RNF130: variants seen among roughly 807,000 people sequenced by gnomAD.
RNF130 encodes the protein ring finger protein 130.
RNF130 carries 21 observed loss-of-function variants against 44.6 expected under a neutral mutation model. That is an observed-to-expected ratio of 0.47 (90% CI 0.33 to 0.68). The LOEUF (loss-of-function observed/expected upper bound fraction) is 0.68. RNF130 is among the 30% of genes least tolerant of loss of function. The pLI is 0.02. For missense variants in RNF130, 479 were observed against 560.6 expected, an observed-to-expected ratio of 0.85 and a Z score of 1.47; for synonymous variants, 214 against 210.4, an observed-to-expected ratio of 1.02 and a Z score of -0.15.
rs61232613 is a variant in RNF130, at chr5:179,998,859, T to TTATATA, written c.693+14196_693+14201dup. The stretch of plus-strand genomic sequence containing the variant: ...TCTCTCTCTTTAGATCTAGTATTTT[T>TTATATA]TATATATATATATATATATATATAT... On this transcript the variant is annotated intron_variant, in intron 3 of 8. Coordinates refer to ENST00000521389, the MANE Select transcript of RNF130 (RefSeq NM_018434.6). Among the ~76,000 whole-genome samples, 786 of 88,716 alleles carry TTATATA rather than the reference T, an allele frequency of 8.9e-3. 15 individuals carry two copies. The highest frequency in any genetic ancestry group is 0.025 in the African/African-American group (593 of 23,646). The allele number at this position is 88,716 out of a possible 152,430, so 58.2% of individuals were successfully genotyped here. A position where few individuals can be genotyped will look rare whatever the true frequency, so the allele number is the denominator to read the frequency against.
chr5:180,041,889 C>T (rs536853920), intron 1 of RNF130, among the ~76,000 whole-genome samples: 3 of 151,988 alleles, frequency 2.0e-5, no homozygotes, highest in Non-Finnish European at 4.4e-5. Flanking sequence ...CCACCCTGGG[C>T]GACAAAGTGA....
At chr5:180,060,917 A>T (rs559823575) in intron 1 of RNF130, among the ~76,000 whole-genome samples, 1 of 151,978 alleles carries the variant, frequency 6.6e-6, no homozygotes, top group African/African-American at 2.4e-5. Flanking sequence ...AAAATACAAA[A>T]AATTAGCTGG....
At chr5:179,973,172 T>A (rs1762624742) in intron 5 of RNF130, among the ~76,000 whole-genome samples, 1 of 152,180 alleles carries the variant, frequency 6.6e-6, no homozygotes, top group African/African-American at 2.4e-5. Context: ...TCCCCGCTAG[T>A]CCAGCTTCTG....
chr5:179,940,432 G>T (rs1761955576), intron 7 of RNF130, among the ~76,000 whole-genome samples: 1 of 151,796 alleles, frequency 6.6e-6, no homozygotes, highest in African/African-American at 2.4e-5. Context: ...TGTTGGCCAG[G>T]CTGGTCTCTT....
chr5:180,037,434 G>T (rs532588992), intron 2 of RNF130, among the ~76,000 whole-genome samples: 2 of 152,270 alleles, frequency 1.3e-5, no homozygotes, highest in East Asian at 1.9e-4. Context: ...CTTACAGAAG[G>T]CCTCTATCCT....
intron 8 of RNF130, among the ~76,000 whole-genome samples, chr5:179,960,180 A>G (rs1428257214): frequency 6.6e-6 from 1 of 152,226 alleles, no homozygotes; most frequent in Admixed American, 6.5e-5. Context: ...CTCTTTTGGG[A>G]ATTGAAATTC....
In RNF130 at chr5:179,987,277, C is replaced by T. The variant is rs181564029; in HGVS notation, c.694-7077G>A. 2.7e-3 allele frequency among the ~76,000 whole-genome samples: 417 copies of T among 152,272 alleles called. 3 individuals are homozygous for T. The highest frequency in any genetic ancestry group is 0.014 in the Middle Eastern group (4 of 294). ...GGACCTCCTGGGCTCAATCCATCCTCCTGCCTCAGCCTCCTGAATACCTGG... is the reference window on the plus strand; with the variant it reads ...GGACCTCCTGGGCTCAATCCATCCTTCTGCCTCAGCCTCCTGAATACCTGG... On this transcript the variant is annotated intron_variant, in intron 3 of 8. Transcript: ENST00000521389.
chr5:180,004,399 A>G (rs959463632), intron 3 of RNF130, among the ~76,000 whole-genome samples: 1 of 152,242 alleles, frequency 6.6e-6, no homozygotes, highest in Non-Finnish European at 1.5e-5. Flanking sequence ...TTTACAAAGG[A>G]GAAAAACCAA....
intron 1 of RNF130, among the ~76,000 whole-genome samples, chr5:180,065,420 A>G (rs1326829170): frequency 6.6e-6 from 1 of 152,156 alleles, no homozygotes; most frequent in African/African-American, 2.4e-5. Context: ...TGGATATATC[A>G]TAATTTATTA....
At chr5:180,055,356 C>T (rs2113167974) in intron 1 of RNF130, among the ~76,000 whole-genome samples, 1 of 150,594 alleles carries the variant, frequency 6.6e-6, no homozygotes, top group African/African-American at 2.4e-5. Context: ...GCCACCATGC[C>T]CAGCTAGAAG....
At chr5:180,014,943 G>A (rs1020179140) in intron 2 of RNF130, among the ~76,000 whole-genome samples, 3 of 152,094 alleles carry the variant, frequency 2.0e-5, no homozygotes, top group Admixed American at 1.3e-4. Context: ...CTGAGATCAC[G>A]CCACTGCACG....
Position 179,946,596 on chromosome 5 carries a change from C to G in RNF130, c.1150+20210G>C, listed in dbSNP as rs540238321. Among the ~76,000 whole-genome samples, 484 of 151,682 alleles carry G rather than the reference C, an allele frequency of 3.2e-3. 4 individuals carry two copies. The highest frequency in any genetic ancestry group is 0.011 in the African/African-American group (454 of 41,284). ...TGAGACGGAGTCTCGCTCTGTCGCC[C>G]AGGCTGGAGTGCAGTGGTGTGATCT... On this transcript the variant is annotated intron_variant, in intron 7 of 7. Transcript: ENST00000522208.
In RNF130 at chr5:180,031,468, C is replaced by CA. The variant is rs1334351716; in HGVS notation, c.442+8984dup. ...CACCACTGCACTCCAGCCTGGGTGA[C>CA]AGAGTTGAGACTCCATCTCAAAAAA... On this transcript the variant is annotated intron_variant, in intron 2 of 8. Transcript: ENST00000521389. Among the ~76,000 whole-genome samples the CA allele has an allele frequency of 4.6e-5, 7 of 152,102 alleles. No individual in the cohort carries two copies. In the East Asian group the frequency reaches 1.2e-3, roughly 25 times the overall value.
At chr5:179,945,570 C>T (rs1026991064) in intron 7 of RNF130, among the ~76,000 whole-genome samples, 2 of 152,028 alleles carry the variant, frequency 1.3e-5, no homozygotes, top group Non-Finnish European at 2.9e-5. Context: ...AAAACAGAGG[C>T]TGGGAGAGGT....
chr5:180,004,390 T>C (rs1763416861), intron 3 of RNF130, among the ~76,000 whole-genome samples: 1 of 152,228 alleles, frequency 6.6e-6, no homozygotes, highest in Non-Finnish European at 1.5e-5. Context: ...AGGCATCATT[T>C]TACAAAGGAG....
At chr5:180,049,769 TTTA>T (rs1764646830) in intron 1 of RNF130, among the ~76,000 whole-genome samples, 1 of 152,208 alleles carries the variant, frequency 6.6e-6, no homozygotes, top group South Asian at 2.1e-4. Flanking sequence ...TCTCTATTAT[TTTA>T]TTGTGTTCTT....
chr5:179,974,785 G>T (rs1049694351), intron 5 of RNF130, among the ~76,000 whole-genome samples: 10 of 152,376 alleles, frequency 6.6e-5, no homozygotes, highest in African/African-American at 2.4e-4. Context: ...ACACTGGAAG[G>T]AGCAGCCAGC....
intron 5 of RNF130, chr5:179,976,888 AG>A (rs1762726097): frequency 1.3e-5 from 2 of 152,204 alleles, no homozygotes; most frequent in South Asian, 4.1e-4. Context: ...CTTTGGTTTT[AG>A]GCTTCTTGGC....
At chr5:180,071,211 G>A (rs1765252642) in intron 1 of RNF130, among the ~76,000 whole-genome samples, 1 of 152,232 alleles carries the variant, frequency 6.6e-6, no homozygotes, top group African/African-American at 2.4e-5. Flanking sequence ...CAAACGAGCT[G>A]CCTGAACGCA....
Sources: allele counts gnomAD v4.1 joint callset (sites outside exome capture counted in the v4.1 genomes callset), GRCh38; gene constraint gnomAD v4.1.1; transcripts MANE v1.5; gene names NCBI Gene and HGNC (gene_info 2026-07-23, HGNC 2026-07-21).